Variants in KIAA1217 observed in about 807,000 individuals in gnomAD.
The protein encoded by KIAA1217 is sickle tail protein homolog.
A neutral mutation model predicts 163.9 loss-of-function variants in KIAA1217; 88 were observed. The ratio of observed to expected loss-of-function variants is 0.54; its 90% CI spans 0.45 to 0.64. The LOEUF (loss-of-function observed/expected upper bound fraction) is 0.64, where lower values mean the gene tolerates loss of function less well. KIAA1217 is among the 30% of genes least tolerant of loss of function. The probability of loss-of-function intolerance (pLI) is 0.00; values close to 1 mark genes in which losing one functional copy is unlikely to be tolerated. For synonymous variants in KIAA1217, 903 were observed against 923.1 expected, an observed-to-expected ratio of 0.98 and a Z score of 0.39; for missense variants, 2,372 against 2,475.0, an observed-to-expected ratio of 0.96 and a Z score of 0.88.
chr10:24,515,132 T>C (rs1298143033), intron 10 of KIAA1217, among the ~76,000 whole-genome samples: 1 of 152,014 alleles, frequency 6.6e-6, no homozygotes, highest in Non-Finnish European at 1.5e-5. Context: ...AGTGGCATGA[T>C]CTCGGCTCAC....
chr10:24,110,600 TAA>T (rs11452842), intron 2 of KIAA1217, among the ~76,000 whole-genome samples: 23,961 of 140,286 alleles, frequency 0.17, 2,549 homozygotes, highest in African/African-American at 0.31. Flanking sequence ...CTGTGGGCCT[TAA>T]AAAAAAAAAA....
chr10:24,214,640 A>G (rs901355115), intron 1 of KIAA1217, among the ~76,000 whole-genome samples: 5 of 152,146 alleles, frequency 3.3e-5, no homozygotes, highest in African/African-American at 1.2e-4. Flanking sequence ...TCGAACACAT[A>G]GGGCTGTCTC....
chr10:23,751,834 C>A (rs1206628835), intron 1 of KIAA1217, among the ~76,000 whole-genome samples: 3 of 152,090 alleles, frequency 2.0e-5, no homozygotes, highest in Middle Eastern at 3.2e-3. Context: ...AGCAGTGTAA[C>A]CTGGGAGAGA....
At chr10:24,387,970 C>T (rs918325011) in intron 3 of KIAA1217, among the ~76,000 whole-genome samples, 5 of 152,106 alleles carry the variant, frequency 3.3e-5, no homozygotes, top group African/African-American at 1.2e-4. Flanking sequence ...GTGAAAATGG[C>T]CATACTGCCC....
intron 2 of KIAA1217, among the ~76,000 whole-genome samples, chr10:24,167,322 T>G (rs114527468): frequency 6.6e-6 from 1 of 151,838 alleles, no homozygotes; most frequent in African/African-American, 2.4e-5. Context: ...TGTGTTACTT[T>G]AGATGTTACA....
rs560951996 is a variant in KIAA1217, at chr10:24,331,789, G to A, written c.355-49080G>A. Among the ~76,000 whole-genome samples, 3 of 152,286 alleles carry A rather than the reference G, an allele frequency of 2.0e-5. No individual in the cohort carries two copies. In the East Asian group the frequency reaches 5.8e-4, roughly 29 times the overall value. ...GAAATGTCGTTTCTATTAGGTAGAGGAGGGAGTTGGTTTTATTTATTTATT... is the reference window on the plus strand; with the variant it reads ...GAAATGTCGTTTCTATTAGGTAGAGAAGGGAGTTGGTTTTATTTATTTATT... On this transcript the variant is annotated intron_variant, in intron 2 of 20. Transcript: ENST00000376454.
chr10:24,162,253 A>G (rs1188338584), intron 2 of KIAA1217, among the ~76,000 whole-genome samples: 1 of 152,242 alleles, frequency 6.6e-6, no homozygotes. Context: ...ATAAGACAGC[A>G]GCAGGAGACT....
At chr10:24,273,578 G>A (rs10741049) in intron 2 of KIAA1217, among the ~76,000 whole-genome samples, 82,044 of 151,838 alleles carry the variant, frequency 0.54, 22,855 homozygotes, top group East Asian at 0.67. Context: ...TTGGCTGGAC[G>A]CCATGGCTCA....
chr10:24,385,697 C>T (rs573650899), intron 3 of KIAA1217, among the ~76,000 whole-genome samples: 37 of 152,318 alleles, frequency 2.4e-4, no homozygotes, highest in Non-Finnish European at 2.6e-4. Context: ...TCATCCAGAG[C>T]CCAGCTGAAA....
intron 1 of KIAA1217, among the ~76,000 whole-genome samples, chr10:23,993,116 C>T (rs934409334): frequency 2.1e-5 from 3 of 143,392 alleles, no homozygotes; most frequent in Non-Finnish European, 4.5e-5. Flanking sequence ...ACTGCAACTT[C>T]TGCCTCCCGG....
chr10:24,005,557 T>C (rs1414552982), intron 1 of KIAA1217, among the ~76,000 whole-genome samples: 2 of 152,184 alleles, frequency 1.3e-5, no homozygotes, highest in African/African-American at 4.8e-5. Flanking sequence ...CTGAGTCTGC[T>C]ACTCACCAGG....
intron 2 of KIAA1217, among the ~76,000 whole-genome samples, chr10:24,231,498 A>C (rs1321615354): frequency 1.3e-5 from 2 of 152,166 alleles, no homozygotes; most frequent in African/African-American, 4.8e-5. Context: ...GTGTATATTT[A>C]ATGGAATACT....
intron 1 of KIAA1217, among the ~76,000 whole-genome samples, chr10:23,904,988 G>A (rs1168715765): frequency 2.0e-5 from 3 of 150,924 alleles, no homozygotes; most frequent in African/African-American, 7.3e-5. Context: ...CATCATGATG[G>A]AGTCGATTGC....
At chr10:23,923,239 C>T (rs573058229) in intron 1 of KIAA1217, among the ~76,000 whole-genome samples, 7 of 152,276 alleles carry the variant, frequency 4.6e-5, no homozygotes, top group Middle Eastern at 3.4e-3. Flanking sequence ...TAACGGTCAC[C>T]GGTTCCATCC....
At chr10:24,443,016 T>C (rs2060627614) in intron 5 of KIAA1217, among the ~76,000 whole-genome samples, 1 of 151,540 alleles carries the variant, frequency 6.6e-6, no homozygotes. Flanking sequence ...GTTCAAGCGA[T>C]TCTCCCACCT....
intron 2 of KIAA1217, among the ~76,000 whole-genome samples, chr10:24,085,421 T>C (rs1312711159): frequency 6.6e-6 from 1 of 152,158 alleles, no homozygotes; most frequent in Non-Finnish European, 1.5e-5. Flanking sequence ...GTTCAGGAGA[T>C]GTGAAACCCA....
intron 8 of KIAA1217, among the ~76,000 whole-genome samples, chr10:24,497,719 C>CA (rs576820337): frequency 0.048 from 3,611 of 75,358 alleles, 89 homozygotes; most frequent in African/African-American, 0.1. Context: ...GACCTTGTCT[C>CA]AAAAAAAAAA....
At chr10:24,070,617 T>C (rs1046733988) in intron 2 of KIAA1217, among the ~76,000 whole-genome samples, 2 of 152,220 alleles carry the variant, frequency 1.3e-5, no homozygotes, top group Non-Finnish European at 2.9e-5. Context: ...ATCTTGCTTC[T>C]TGAAGAAACC....
chr10:24,229,700 G>A (rs918453408), intron 2 of KIAA1217, among the ~76,000 whole-genome samples: 4 of 152,026 alleles, frequency 2.6e-5, no homozygotes, highest in African/African-American at 7.2e-5. Flanking sequence ...TGTATTTTTA[G>A]TAGAGACAAG....
Sources: allele counts gnomAD v4.1 joint callset (sites outside exome capture counted in the v4.1 genomes callset), GRCh38; gene constraint gnomAD v4.1.1; transcripts MANE v1.5; gene names NCBI Gene and HGNC (gene_info 2026-07-23, HGNC 2026-07-21).